Variants in ITFG1 observed in about 807,000 individuals in gnomAD.
ITFG1 encodes the protein T-cell immunomodulatory protein.
A neutral mutation model predicts 81.8 loss-of-function variants in ITFG1; 34 were observed. The observed-to-expected ratio is 0.42, with a 90% CI of 0.32 to 0.55. The LOEUF (loss-of-function observed/expected upper bound fraction) is 0.55. Ranked by LOEUF, ITFG1 falls within the 20% of genes least tolerant of loss-of-function variation. The pLI, the probability that ITFG1 is intolerant of heterozygous loss-of-function variation, is 0.17. For synonymous variants in ITFG1, 285 were observed against 270.6 expected (o/e 1.05, Z -0.52); for missense variants, 672 against 755.4 (o/e 0.89, Z 1.29).
intron 12 of ITFG1, among the ~76,000 whole-genome samples, chr16:47,245,363 T>A (rs1365945832): frequency 2.0e-5 from 3 of 151,726 alleles, no homozygotes; most frequent in Non-Finnish European, 4.4e-5. Flanking sequence ...AAAAAAAAAA[T>A]TATGTAGATG....
At chr16:47,327,307 C>A (rs1210151723) in intron 8 of ITFG1, among the ~76,000 whole-genome samples, 1 of 152,132 alleles carries the variant, frequency 6.6e-6, no homozygotes, top group Non-Finnish European at 1.5e-5. Context: ...TTCCTTACAC[C>A]TTATACAAAA....
intron 14 of ITFG1, among the ~76,000 whole-genome samples, chr16:47,197,270 G>C (rs532423424): frequency 6.6e-6 from 1 of 152,202 alleles, no homozygotes; most frequent in African/African-American, 2.4e-5. Context: ...TCTAGTTTCG[G>C]AAACCTGCTA....
intron 8 of ITFG1, among the ~76,000 whole-genome samples, chr16:47,333,060 G>A (rs1219443100): frequency 2.0e-5 from 3 of 151,970 alleles, no homozygotes; most frequent in Non-Finnish European, 4.4e-5. Flanking sequence ...AATATACAAT[G>A]CCCAAAGCTG....
At chr16:47,208,543 T>C (rs892128533) in intron 14 of ITFG1, among the ~76,000 whole-genome samples, 1 of 152,216 alleles carries the variant, frequency 6.6e-6, no homozygotes, top group African/African-American at 2.4e-5. Flanking sequence ...GTGGTTAACA[T>C]TGATGGGCAC....
chr16:47,206,961 T>C (rs1965506886), intron 14 of ITFG1, among the ~76,000 whole-genome samples: 1 of 152,260 alleles, frequency 6.6e-6, no homozygotes, highest in African/African-American at 2.4e-5. Context: ...CTCCATTACA[T>C]GGACCTCTTT....
At chr16:47,241,400 G>A (rs2151535229) in intron 12 of ITFG1, among the ~76,000 whole-genome samples, 1 of 152,272 alleles carries the variant, frequency 6.6e-6, no homozygotes, top group South Asian at 2.1e-4. Context: ...CCATCCAAAT[G>A]TCCATCAAAT....
rs1295583212 is a variant in ITFG1, at chr16:47,260,667, C to A, written c.1099G>T (p.Val367Phe). 6 of 1,614,156 alleles carry A rather than the reference C, an allele frequency of 3.7e-6. No individual in the cohort carries two copies. The highest frequency in any genetic ancestry group is 1.3e-5 in the African/African-American group (1 of 75,036). The change falls in exon 11 of 18, where the codon GTC (valine) becomes TTC (phenylalanine). Residue 367 changes from valine (V) to phenylalanine (F), a missense_variant. Coordinates refer to ENST00000320640, the MANE Select transcript of ITFG1 (RefSeq NM_030790.5). ...SNQQAFLLENVPCNNASCEEA... is the reference protein window; with the variant it reads ...SNQQAFLLENFPCNNASCEEA... ...TCACAGCTTGCATTATTACAAGGGACGTTCTCCAGTAAAAAGGCCTGCTGG... is the reference window on the plus strand; with the variant it reads ...TCACAGCTTGCATTATTACAAGGGAAGTTCTCCAGTAAAAAGGCCTGCTGG...
intron 14 of ITFG1, among the ~76,000 whole-genome samples, chr16:47,198,685 C>A (rs1965386677): frequency 6.6e-6 from 1 of 152,098 alleles, no homozygotes; most frequent in Non-Finnish European, 1.5e-5. Flanking sequence ...TTTATTGCCC[C>A]TGAAGACTTT....
chr16:47,393,748 T>A (rs1278957890), intron 6 of ITFG1, among the ~76,000 whole-genome samples: 1 of 151,996 alleles, frequency 6.6e-6, no homozygotes, highest in Non-Finnish European at 1.5e-5. Flanking sequence ...AAAAGAAATT[T>A]TTTTTGGTTT....
chr16:47,235,793 A>C (rs1003893584), intron 13 of ITFG1, among the ~76,000 whole-genome samples: 1 of 152,252 alleles, frequency 6.6e-6, no homozygotes, highest in African/African-American at 2.4e-5. Context: ...GAATATGAAG[A>C]AGAACTACTT....
At chr16:47,348,622 T>C (rs1437091147) in intron 8 of ITFG1, among the ~76,000 whole-genome samples, 3 of 152,156 alleles carry the variant, frequency 2.0e-5, no homozygotes, top group Admixed American at 6.5e-5. Context: ...TGGAACCAGG[T>C]TGGAAAACAC....
At chr16:47,384,884 C>A (rs1379480490) in intron 6 of ITFG1, among the ~76,000 whole-genome samples, 1 of 152,174 alleles carries the variant, frequency 6.6e-6, no homozygotes, top group East Asian at 1.9e-4. Context: ...TCGAGACCAG[C>A]CTGGCCAATG....
intron 7 of ITFG1, among the ~76,000 whole-genome samples, chr16:47,368,344 G>A (rs1007255922): frequency 6.6e-6 from 1 of 151,310 alleles, no homozygotes; most frequent in African/African-American, 2.4e-5. Context: ...TTGAGGTTAG[G>A]AGATCAAGAC....
chr16:47,428,725 T>G, intron 6 of ITFG1, 79 bp downstream of exon 6: 1 of 856,788 alleles, frequency 1.2e-6, no homozygotes, highest in Non-Finnish European at 1.9e-6. Context: ...CATTAGCAAT[T>G]AAATACAAAG....
chr16:47,393,343 C>T (rs1968555250), intron 6 of ITFG1, among the ~76,000 whole-genome samples: 1 of 152,130 alleles, frequency 6.6e-6, no homozygotes, highest in South Asian at 2.1e-4. Context: ...TGCTATGAGG[C>T]AGTGCACCAT....
intron 7 of ITFG1, among the ~76,000 whole-genome samples, chr16:47,368,237 TA>T (rs1197857958): frequency 0.01 from 790 of 78,006 alleles, 6 homozygotes; most frequent in African/African-American, 0.021. Context: ...CCGTCTCAAT[TA>T]AAAAAAAAAA....
intron 13 of ITFG1, 86 bp downstream of exon 13, chr16:47,237,879 G>A: frequency 1.5e-6 from 1 of 657,534 alleles, no homozygotes; most frequent in Non-Finnish European, 2.7e-6. Context: ...AATGATATTT[G>A]ATAATCTATA....
chr16:47,307,103 A>AC (rs1276242388), intron 10 of ITFG1, among the ~76,000 whole-genome samples: 1 of 144,898 alleles, frequency 6.9e-6, no homozygotes, highest in Non-Finnish European at 1.5e-5. Flanking sequence ...CAAAAAAAAA[A>AC]AAAAAAAAAA....
chr16:47,338,022 T>C (rs751144658), intron 8 of ITFG1, among the ~76,000 whole-genome samples: 4 of 152,260 alleles, frequency 2.6e-5, no homozygotes, highest in Admixed American at 6.5e-5. Flanking sequence ...GTCAAAACAT[T>C]AGATGAACAC....
Sources: allele counts gnomAD v4.1 joint callset (sites outside exome capture counted in the v4.1 genomes callset), GRCh38; gene constraint gnomAD v4.1.1; transcripts MANE v1.5; gene names NCBI Gene and HGNC (gene_info 2026-07-23, HGNC 2026-07-21).